USP15: variants seen among roughly 807,000 people sequenced by gnomAD.
USP15 encodes ubiquitin specific peptidase 15, also known as ubiquitin carboxyl-terminal hydrolase 15.
USP15 carries 18 observed loss-of-function variants against 127.1 expected under a neutral mutation model. The observed-to-expected ratio is 0.14, with a 90% CI of 0.10 to 0.21. USP15 has a LOEUF of 0.21. Ranked by LOEUF, USP15 falls within the 10% of genes least tolerant of loss-of-function variation. The pLI, the probability that USP15 is intolerant of heterozygous loss-of-function variation, is 1.00. For synonymous variants in USP15, 364 were observed against 393.7 expected, an observed-to-expected ratio of 0.92 and a Z score of 0.89; for missense variants, 805 against 1,159.9, an observed-to-expected ratio of 0.69 and a Z score of 4.44.
chr12:62,314,395 GTTTA>G (rs1246582350), intron 3 of USP15, among the ~76,000 whole-genome samples: 1 of 151,740 alleles, frequency 6.6e-6, no homozygotes, highest in Non-Finnish European at 1.5e-5. Context: ...TCAGAACTCT[GTTTA>G]TTTGTATTAT....
chr12:62,391,568 T>A, intron 16 of USP15, 139 bp downstream of exon 16: 2 of 1,123,616 alleles, frequency 1.8e-6, no homozygotes, highest in Non-Finnish European at 2.5e-6. Flanking sequence ...TGAAAGGACT[T>A]AATATCTAAG....
Position 62,392,265 on chromosome 12 carries a change from T to C in USP15, c.2305-7T>C, listed in dbSNP as rs1439338449. 1 of 1,554,504 alleles carries C rather than the reference T, an allele frequency of 6.4e-7. No homozygotes were observed. The highest frequency in any genetic ancestry group is 8.8e-7 in the Non-Finnish European group (1 of 1,141,124). ...GTTCTCTTAACTCAAGAAATACTTC[T>C]CTTTAGGACTTTGAAAAACATGAAA... On this transcript the variant is annotated splice_region_variant and splice_polypyrimidine_tract_variant and intron_variant, in intron 17 of 21. Coordinates refer to ENST00000280377, the MANE Select transcript of USP15 (RefSeq NM_001252078.2).
chr12:62,325,747 G>A (rs1565856480), intron 5 of USP15, 125 bp from the exon 6 acceptor site: 1 of 718,796 alleles, frequency 1.4e-6, no homozygotes, highest in Non-Finnish European at 2.2e-6. Flanking sequence ...TGTTCACCTT[G>A]TCTACTGTTT....
At chr12:62,320,786 CTA>C (rs1488761979) in intron 4 of USP15, among the ~76,000 whole-genome samples, 1 of 151,944 alleles carries the variant, frequency 6.6e-6, no homozygotes, top group Non-Finnish European at 1.5e-5. Context: ...AAAACTACAA[CTA>C]TTCTAAAATC....
chr12:62,337,641 C>T (rs2065511531), intron 6 of USP15, among the ~76,000 whole-genome samples: 1 of 151,582 alleles, frequency 6.6e-6, no homozygotes, highest in South Asian at 2.1e-4. Flanking sequence ...TGCCCCCACC[C>T]CCCAACAGGC....
At chr12:62,288,331 C>A (rs1166842105) in intron 1 of USP15, among the ~76,000 whole-genome samples, 1 of 144,794 alleles carries the variant, frequency 6.9e-6, no homozygotes, top group Non-Finnish European at 1.5e-5. Flanking sequence ...TAGATGTGTT[C>A]CCTGGCATTT....
At chr12:62,314,310 T>C (rs2064766583) in intron 3 of USP15, among the ~76,000 whole-genome samples, 1 of 151,912 alleles carries the variant, frequency 6.6e-6, no homozygotes, top group African/African-American at 2.4e-5. Flanking sequence ...TAAGTTCAAA[T>C]TGTATAAACA....
At chr12:62,299,593 T>C (rs2064244635) in intron 2 of USP15, among the ~76,000 whole-genome samples, 1 of 152,234 alleles carries the variant, frequency 6.6e-6, no homozygotes, top group African/African-American at 2.4e-5. Flanking sequence ...GTTTTCACGT[T>C]TTGGCTCTTC....
intron 3 of USP15, among the ~76,000 whole-genome samples, chr12:62,310,298 C>T (rs568033600): frequency 6.6e-6 from 1 of 151,722 alleles, no homozygotes; most frequent in Non-Finnish European, 1.5e-5. Context: ...AGTATAGTCA[C>T]CCTGCTCTGC....
chr12:62,321,663 A>G (rs929213745), intron 5 of USP15, 54 bp downstream of exon 5: 1 of 1,390,400 alleles, frequency 7.2e-7, no homozygotes, highest in Non-Finnish European at 9.5e-7. Flanking sequence ...TGGATTCACA[A>G]ACTTTAATAA....
intron 8 of USP15, among the ~76,000 whole-genome samples, chr12:62,357,910 A>T (rs2066186718): frequency 6.6e-6 from 1 of 152,168 alleles, no homozygotes; most frequent in Non-Finnish European, 1.5e-5. Context: ...TCCAAAAATA[A>T]AAAGGGTAAT....
Position 62,404,397 on chromosome 12 carries a change from A to G in USP15, c.*22A>G, listed in dbSNP as rs764659739. 9 of 1,551,032 alleles carry G rather than the reference A, an allele frequency of 5.8e-6. No homozygotes were observed. The highest frequency in any genetic ancestry group is 7.9e-6 in the Non-Finnish European group (9 of 1,146,364). ...CTAATGAAAGTCCTAGAAGCCATAA[A>G]AGAGACACTTTCCTGCTGGTGGTAT... On this transcript the variant is annotated 3_prime_UTR_variant, in exon 22 of 22. Transcript: ENST00000280377.
chr12:62,387,536 G>C (rs1050711575), intron 11 of USP15, among the ~76,000 whole-genome samples: 18 of 152,222 alleles, frequency 1.2e-4, no homozygotes, highest in African/African-American at 4.3e-4. Flanking sequence ...ATAAGGAAAG[G>C]GAATTTTTTA....
chr12:62,307,517 C>G (rs543823705), intron 3 of USP15, among the ~76,000 whole-genome samples: 2 of 152,206 alleles, frequency 1.3e-5, no homozygotes, highest in South Asian at 4.1e-4. Flanking sequence ...GAAAACTTGT[C>G]TCTTAGTTCA....
chr12:62,375,991 A>G (rs896248681), intron 8 of USP15, among the ~76,000 whole-genome samples: 5 of 152,134 alleles, frequency 3.3e-5, no homozygotes, highest in Non-Finnish European at 7.4e-5. Context: ...AGTCTACCAT[A>G]TATTAAATAT....
chr12:62,390,810 A>G, intron 14 of USP15, 54 bp from the exon 15 acceptor site: 2 of 1,352,698 alleles, frequency 1.5e-6, no homozygotes, highest in Non-Finnish European at 2.0e-6. Flanking sequence ...AAAACTTTTT[A>G]AAAGTTTTTA....
In USP15 at chr12:62,391,317, C is replaced by A. The variant is rs2067318381; in HGVS notation, c.2121C>A (p.His707Gln). 6.2e-7 allele frequency: 1 copy of A among 1,612,676 alleles called. No homozygotes were observed. Among genetic ancestry groups the A allele is most frequent in the Non-Finnish European group, 8.5e-7 (1 of 1,179,488 alleles). ...CTTGCAAAGGTCAACTCACGGGACACAAAAAACGATTGTTTACATTCCAGT... is the reference window on the plus strand; with the variant it reads ...CTTGCAAAGGTCAACTCACGGGACAAAAAAAACGATTGTTTACATTCCAGT... ...EDTCKGQLTGHKKRLFTFQFN... is the reference protein window; with the variant it reads ...EDTCKGQLTGQKKRLFTFQFN... The change falls in exon 16 of 22, where the codon CAC becomes CAA. Residue 707 changes from histidine (H) to glutamine (Q), a missense_variant. By Grantham distance (24) the His-to-Gln change is conservative. Coordinates refer to ENST00000280377, the MANE Select transcript of USP15 (RefSeq NM_001252078.2).
intron 1 of USP15, among the ~76,000 whole-genome samples, chr12:62,293,539 A>G (rs2137151636): frequency 6.6e-6 from 1 of 152,230 alleles, no homozygotes; most frequent in South Asian, 2.1e-4. Context: ...TATTTTTAGT[A>G]GAGACGGGGT....
chr12:62,279,009 G>T (rs941831505), intron 1 of USP15: 12 of 152,036 alleles, frequency 7.9e-5, no homozygotes, highest in Admixed American at 6.6e-4. Flanking sequence ...TTTTTTCATT[G>T]TAGTAAGAAT....
Sources: gnomAD v4.1 joint callset for allele counts (sites outside exome capture counted in the v4.1 genomes callset) on GRCh38, gnomAD v4.1.1 for gene constraint, MANE v1.5 for transcripts, NCBI Gene and HGNC (gene_info 2026-07-23, HGNC 2026-07-21) for gene names.